Variants in CRACD observed in about 807,000 individuals in gnomAD.
The protein encoded by CRACD is capping protein inhibiting regulator of actin dynamics.
A neutral mutation model predicts 106.8 loss-of-function variants in CRACD; 56 were observed. That is an observed-to-expected ratio of 0.52 (90% CI 0.42 to 0.66). The LOEUF is 0.66. CRACD is among the 30% of genes least tolerant of loss of function. The probability of loss-of-function intolerance (pLI) is 0.00; values close to 1 mark genes in which losing one functional copy is unlikely to be tolerated. For missense variants in CRACD, 1,730 were observed against 1,623.2 expected, an observed-to-expected ratio of 1.07 and a Z score of -1.13; for synonymous variants, 754 against 670.8, an observed-to-expected ratio of 1.12 and a Z score of -1.92.
At chr4:56,282,266 G>A (rs1743079604) in intron 3 of CRACD, among the ~76,000 whole-genome samples, 1 of 152,116 alleles carries the variant, frequency 6.6e-6, no homozygotes, top group Non-Finnish European at 1.5e-5. Flanking sequence ...CAATATCTAT[G>A]GTCCCAAATT....
chr4:56,267,886 G>A (rs911339426), intron 2 of CRACD, among the ~76,000 whole-genome samples: 9 of 152,124 alleles, frequency 5.9e-5, no homozygotes, highest in South Asian at 4.2e-4. Context: ...TCTATAAATG[G>A]GCCACCTGAA....
chr4:56,302,756 T>C (rs1744439552), intron 4 of CRACD, among the ~76,000 whole-genome samples: 1 of 152,166 alleles, frequency 6.6e-6, no homozygotes, highest in Non-Finnish European at 1.5e-5. Flanking sequence ...TTAGACATAG[T>C]CTGAAGGATA....
intron 8 of CRACD, chr4:56,320,980 C>T (rs780456187): frequency 4.3e-5 from 8 of 188,138 alleles, no homozygotes; most frequent in Non-Finnish European, 9.3e-5. Context: ...TTCACTGCCA[C>T]GTCTTGTGCT....
chr4:56,238,188 A>C (rs936365067), intron 2 of CRACD, among the ~76,000 whole-genome samples: 1 of 152,322 alleles, frequency 6.6e-6, no homozygotes, highest in East Asian at 1.9e-4. Context: ...TCCAATTGAC[A>C]TTGGCTGGGG....
chr4:56,323,707 A>T lies in CRACD; in HGVS notation c.3378+140A>T, dbSNP rs963984804. ...CCAAGCAGTAAATAAACTGACCACC[A>T]TTAAACCAGGGAAGCGTTTTCAGTG... is the stretch of plus-strand genomic sequence containing the variant. On this transcript the variant is annotated intron_variant, in intron 9 of 10. Coordinates refer to ENST00000682029, the MANE Select transcript of CRACD (RefSeq NM_001393381.1). The T allele has an allele frequency of 9.7e-6, 8 of 821,656 alleles. No homozygotes were observed. The Admixed American group carries it at 2.4e-4, about 24-fold the overall frequency. 50.9% of individuals were successfully genotyped at this position (821,656 alleles called of 1,614,324 possible).
chr4:56,096,588 C>A (rs1168352718), intron 1 of CRACD, among the ~76,000 whole-genome samples: 2 of 151,642 alleles, frequency 1.3e-5, no homozygotes, highest in Non-Finnish European at 2.9e-5. Flanking sequence ...GTGGAGTGCA[C>A]CTATAGTAGA....
intron 1 of CRACD, among the ~76,000 whole-genome samples, chr4:56,136,944 G>T (rs1735023263): frequency 6.6e-6 from 1 of 152,186 alleles, no homozygotes; most frequent in South Asian, 2.1e-4. Flanking sequence ...GTGATGTATG[G>T]ATTGAGCAAG....
chr4:56,243,022 G>A (rs55801870), intron 2 of CRACD, among the ~76,000 whole-genome samples: 11,714 of 152,208 alleles, frequency 0.077, 561 homozygotes, highest in South Asian at 0.11. Context: ...AGAAGCTCCT[G>A]ATGTCCCCCA....
rs61517832 is a variant in CRACD, at chr4:56,306,511, TCAAACAAA to T, written c.121-1001_121-994del. ...CTGGGCAACAGAGCGAGACCGTGTC[TCAAACAAA>T]CAAACAAACAAACAAACAAACAGAG... On this transcript the variant is annotated intron_variant, in intron 4 of 10. Transcript: ENST00000682029. Among the ~76,000 whole-genome samples, 96 of 151,488 alleles carry T rather than the reference TCAAACAAA, an allele frequency of 6.3e-4. 1 individual carries two copies. Among genetic ancestry groups the T allele is most frequent in the East Asian group, 1.2e-3 (6 of 5,100 alleles).
chr4:56,146,198 A>T (rs1735371400), intron 1 of CRACD, among the ~76,000 whole-genome samples: 2 of 152,166 alleles, frequency 1.3e-5, no homozygotes, highest in Non-Finnish European at 2.9e-5. Context: ...CCAGCAATTC[A>T]TTAGACTTTG....
At chr4:56,226,545 G>C (rs892645209) in intron 2 of CRACD, among the ~76,000 whole-genome samples, 4 of 152,114 alleles carry the variant, frequency 2.6e-5, no homozygotes, top group Admixed American at 6.6e-5. Flanking sequence ...ATTATGTTGT[G>C]TATGCTCTGT....
chr4:56,292,289 G>A (rs894658513), intron 3 of CRACD, among the ~76,000 whole-genome samples: 7 of 152,268 alleles, frequency 4.6e-5, no homozygotes, highest in Admixed American at 2.6e-4. Flanking sequence ...CAGTTTACAC[G>A]CAGATATGCC....
At chr4:56,249,220 A>T (rs891465666) in intron 2 of CRACD, among the ~76,000 whole-genome samples, 1 of 148,904 alleles carries the variant, frequency 6.7e-6, no homozygotes, top group African/African-American at 2.5e-5. Flanking sequence ...ATTTCTCCAC[A>T]TCCTCTCCAG....
In CRACD at chr4:56,272,161, C is replaced by T. The variant is rs73163607; in HGVS notation, c.-188-160C>T. Among the ~76,000 whole-genome samples, 186 of 152,336 alleles carry T rather than the reference C, an allele frequency of 1.2e-3. 1 individual carries two copies. The highest frequency in any genetic ancestry group is 4.4e-3 in the African/African-American group (181 of 41,570). ...TGTGCATGGATCGCGCTGGGGCTGG[C>T]GCCGACATTCCTGGCACAGGGCTTG... On this transcript the variant is annotated intron_variant, in intron 2 of 10. Coordinates refer to ENST00000682029, the MANE Select transcript of CRACD (RefSeq NM_001393381.1).
intron 1 of CRACD, among the ~76,000 whole-genome samples, chr4:56,152,573 T>TA (rs1360642850): frequency 6.6e-6 from 1 of 151,828 alleles, no homozygotes; most frequent in Admixed American, 6.6e-5. Flanking sequence ...TCTCTTTTTT[T>TA]AAAAAAAGCA....
chr4:56,327,559 A>G (rs1032646376), intron 10 of CRACD, 85 bp from the exon 11 acceptor site: 2 of 1,164,050 alleles, frequency 1.7e-6, no homozygotes, highest in Non-Finnish European at 2.5e-6. Context: ...TGATAAATAC[A>G]TAGTTTATCA....
intron 4 of CRACD, among the ~76,000 whole-genome samples, chr4:56,303,807 G>C (rs1167997735): frequency 6.6e-6 from 1 of 152,220 alleles, no homozygotes. Context: ...TCTCATCCCA[G>C]ATGGCTGTAG....
intron 1 of CRACD, among the ~76,000 whole-genome samples, chr4:56,107,856 T>G (rs115034389): frequency 0.024 from 3,636 of 152,302 alleles, 61 homozygotes; most frequent in Admixed American, 0.057. Context: ...GTACCTGCAT[T>G]TCTGTCCAAG....
chr4:56,305,953 C>A lies in CRACD; in HGVS notation c.121-1582C>A, dbSNP rs556968313. Among the ~76,000 whole-genome samples, 8 of 152,278 alleles carry A rather than the reference C, an allele frequency of 5.3e-5. No homozygotes were observed. The South Asian group carries it at 1.7e-3, about 32-fold the overall frequency. On this transcript the variant is annotated intron_variant, in intron 4 of 10. Transcript: ENST00000682029. ...GAAATACTCTGCCTCTTTATTTCTG[C>A]CCCTGGAAGAAAGAAGTACAAAGTC... is the stretch of plus-strand genomic sequence containing the variant.
Sources: gnomAD v4.1 joint callset for allele counts (sites outside exome capture counted in the v4.1 genomes callset) on GRCh38, gnomAD v4.1.1 for gene constraint, MANE v1.5 for transcripts, NCBI Gene and HGNC (gene_info 2026-07-23, HGNC 2026-07-21) for gene names.